The following UBA3 variants were observed in gnomAD, a reference collection of about 807,000 sequenced individuals.
UBA3 encodes NEDD8-activating enzyme E1 catalytic subunit.
Under a neutral mutation model 73.5 loss-of-function variants are expected in UBA3, and 26 were observed. The observed-to-expected ratio is 0.35, with a 90% confidence interval of 0.26 to 0.49. The LOEUF (loss-of-function observed/expected upper bound fraction) is 0.49, where lower values mean the gene tolerates loss of function less well. Ranked by LOEUF, UBA3 falls within the 20% of genes least tolerant of loss-of-function variation. UBA3 has a pLI of 0.98. For missense variants in UBA3, 495 were observed against 555.6 expected (o/e 0.89, Z 1.10); for synonymous variants, 217 against 191.2 (o/e 1.13, Z -1.11).
chr3:69,078,334 G>C (rs967353315), intron 2 of UBA3, among the ~76,000 whole-genome samples: 3 of 152,148 alleles, frequency 2.0e-5, no homozygotes, highest in Non-Finnish European at 4.4e-5. Flanking sequence ...GAGAAAAAAA[G>C]TCACACTTTC....
intron 16 of UBA3, 22 bp from the exon 17 acceptor site, chr3:69,055,927 A>G: frequency 1.2e-6 from 2 of 1,606,646 alleles, no homozygotes; most frequent in Non-Finnish European, 8.5e-7. Flanking sequence ...AATTACTTTA[A>G]TGTAAGACAC....
At chr3:69,072,701 A>C (rs2092130091) in intron 4 of UBA3, among the ~76,000 whole-genome samples, 2 of 152,212 alleles carry the variant, frequency 1.3e-5, no homozygotes, top group East Asian at 1.9e-4. Context: ...ATCTTGTAAG[A>C]TATAGACCAT....
At chr3:69,062,620 C>G (rs2107486497) in intron 9 of UBA3, among the ~76,000 whole-genome samples, 1 of 152,222 alleles carries the variant, frequency 6.6e-6, no homozygotes, top group South Asian at 2.1e-4. Context: ...AACCAAAAAG[C>G]CCCATCCTTG....
At chr3:69,055,968 T>C (rs994884331) in intron 16 of UBA3, 32 bp downstream of exon 16, 8 of 1,596,710 alleles carry the variant, frequency 5.0e-6, no homozygotes, top group Admixed American at 1.8e-5. Context: ...GATATAATTT[T>C]CTGAAAAAAA....
At chr3:69,059,361 G>A (rs1035376046) in intron 11 of UBA3, among the ~76,000 whole-genome samples, 2 of 152,168 alleles carry the variant, frequency 1.3e-5, no homozygotes, top group African/African-American at 4.8e-5. Context: ...TGGTCCTGGG[G>A]CAAGGATGTA....
chr3:69,055,904 G>T lies in UBA3; in HGVS notation c.1250C>A (p.Ser417Ter). The T allele has an allele frequency of 6.2e-7, 1 of 1,611,440 alleles. No homozygotes were observed. Among genetic ancestry groups the T allele is most frequent in the South Asian group, 1.1e-5 (1 of 90,576 alleles). The stretch of plus-strand genomic sequence containing the variant: ...TGTTCGTTCTTCAATAGAGGTTACC[G>T]ACTAGAAAACAAAATTACTTTAATG... ...EGKNRTLYLQ[S>*]VTSIEERTRP... is the part of the protein sequence containing the mutation. The change falls in exon 17 of 18, where the codon TCG becomes TAG. Residue 417 changes from serine to a stop codon, truncating the protein, a stop_gained and splice_region_variant. Transcript: ENST00000361055. LOFTEE classifies it high-confidence loss of function.
At chr3:69,062,906 T>A (rs1313119630) in intron 9 of UBA3, 76 bp downstream of exon 9, 1 of 1,530,220 alleles carries the variant, frequency 6.5e-7, no homozygotes, top group African/African-American at 1.4e-5. Flanking sequence ...ATCCTAAATA[T>A]TAACTAGACT....
chr3:69,071,745 G>C, intron 4 of UBA3, 128 bp from the exon 5 acceptor site: 1 of 562,898 alleles, frequency 1.8e-6, no homozygotes, highest in East Asian at 3.4e-5. Flanking sequence ...GTATTCAATG[G>C]CTGAAAGACT....
rs867332357 is a variant in UBA3, at chr3:69,060,172, A to G, written c.910+1642T>C. ...AGAAATAAAGGATATAATTATCAAA[A>G]CAGGTGAAATGAAGCTAGAAACACC... On this transcript the variant is annotated intron_variant, in intron 11 of 17. Coordinates refer to ENST00000361055, the MANE Select transcript of UBA3 (RefSeq NM_003968.4). Among the ~76,000 whole-genome samples, 11 of 152,328 alleles carry G rather than the reference A, an allele frequency of 7.2e-5. No homozygotes were observed. The South Asian group carries it at 2.3e-3, about 32-fold the overall frequency.
chr3:69,074,705 A>G (rs184250415), intron 4 of UBA3, among the ~76,000 whole-genome samples: 4 of 152,328 alleles, frequency 2.6e-5, no homozygotes, highest in Admixed American at 6.5e-5. Context: ...CATTTGTTAC[A>G]TAAACTCATT....
chr3:69,077,559 C>A, intron 3 of UBA3: 2 of 379,556 alleles, frequency 5.3e-6, no homozygotes, highest in South Asian at 3.4e-5. Flanking sequence ...TACATGAGGT[C>A]ATGAAGTTAG....
Position 69,080,157 on chromosome 3 carries a change from A to T in UBA3, c.21-4T>A. ...TATTCTCCTTCTTTTCTTCTCCCTA[A>T]AAGAGAGAATAAAAGAAGGGTCAGC... On this transcript the variant is annotated splice_polypyrimidine_tract_variant and splice_region_variant and intron_variant, in intron 1 of 17. Coordinates refer to ENST00000361055, the MANE Select transcript of UBA3 (RefSeq NM_003968.4). The T allele has an allele frequency of 2.5e-6, 4 of 1,609,014 alleles. No homozygotes were observed. The highest frequency in any genetic ancestry group is 3.4e-6 in the Non-Finnish European group (4 of 1,178,742).
intron 1 of UBA3, 77 bp from the exon 2 acceptor site, chr3:69,080,230 G>T: frequency 2.0e-6 from 3 of 1,488,932 alleles, no homozygotes; most frequent in Non-Finnish European, 2.7e-6. Flanking sequence ...CGAGGGGACG[G>T]GGCGGGGGGT....
chr3:69,062,781 A>T (rs1173826895), intron 9 of UBA3, among the ~76,000 whole-genome samples: 1 of 152,214 alleles, frequency 6.6e-6, no homozygotes, highest in Non-Finnish European at 1.5e-5. Context: ...TTATGAAAGC[A>T]GAATAGTATC....
chr3:69,065,668 C>A (rs899542362), intron 6 of UBA3, among the ~76,000 whole-genome samples: 1 of 152,152 alleles, frequency 6.6e-6, no homozygotes, highest in African/African-American at 2.4e-5. Flanking sequence ...TCTCAAACAA[C>A]CAGGCTCAAG....
intron 2 of UBA3, 52 bp downstream of exon 2, chr3:69,080,060 G>A: frequency 6.4e-7 from 1 of 1,555,986 alleles, no homozygotes; most frequent in South Asian, 1.1e-5. Flanking sequence ...GGCCTGGGGT[G>A]GGGGGAGGCG....
At chr3:69,074,786 C>T (rs772163250) in intron 4 of UBA3, among the ~76,000 whole-genome samples, 1 of 152,176 alleles carries the variant, frequency 6.6e-6, no homozygotes, top group African/African-American at 2.4e-5. Flanking sequence ...AAATTATATA[C>T]TTAATTTATT....
chr3:69,080,216 G>T, intron 1 of UBA3, 63 bp from the exon 2 acceptor site: 1 of 1,541,494 alleles, frequency 6.5e-7, no homozygotes, highest in South Asian at 1.2e-5. Context: ...CGAGGGGAGG[G>T]GGGCGAGGGG....
At chr3:69,080,038 G>T in intron 2 of UBA3, 74 bp downstream of exon 2, 1 of 1,423,214 alleles carries the variant, frequency 7.0e-7, no homozygotes, top group Non-Finnish European at 9.7e-7. Flanking sequence ...GCCCGCTGCG[G>T]CTGGTCCCCT....
Sources: allele counts gnomAD v4.1 joint callset (sites outside exome capture counted in the v4.1 genomes callset), GRCh38; gene constraint gnomAD v4.1.1; transcripts MANE v1.5; gene names NCBI Gene and HGNC (gene_info 2026-07-23, HGNC 2026-07-21).